ANKRD29: variants seen among roughly 807,000 people sequenced by gnomAD.
The protein encoded by ANKRD29 is ankyrin repeat domain 29, also known as ankyrin repeat domain-containing protein 29.
Under a neutral mutation model 38.0 loss-of-function variants are expected in ANKRD29, and 32 were observed. The observed-to-expected ratio is 0.84, with a 90% CI of 0.64 to 1.13. The LOEUF (loss-of-function observed/expected upper bound fraction) is 1.13. Among genes scored for constraint, ANKRD29 ranks in the 50% most tolerant of loss-of-function variants. The pLI, the probability that ANKRD29 is intolerant of heterozygous loss-of-function variation, is 0.00. For missense variants in ANKRD29, 357 were observed against 377.9 expected (o/e 0.94, Z 0.46); for synonymous variants, 135 against 152.4 (o/e 0.89, Z 0.84).
intron 6 of ANKRD29, among the ~76,000 whole-genome samples, chr18:23,624,182 A>G (rs1490266739): frequency 6.6e-6 from 1 of 151,784 alleles, no homozygotes; most frequent in African/African-American, 2.4e-5. Context: ...TAAAAAGGTA[A>G]TGGCCAGGCA....
chr18:23,634,276 CTG>C, intron 4 of ANKRD29, 127 bp from the exon 5 acceptor site: 26 of 447,508 alleles, frequency 5.8e-5, no homozygotes, highest in Admixed American at 2.1e-4. Context: ...CTCACTTTCC[CTG>C]TTTTTTTTTT....
At chr18:23,653,919 G>T (rs2060243408) in intron 1 of ANKRD29, among the ~76,000 whole-genome samples, 1 of 151,924 alleles carries the variant, frequency 6.6e-6, no homozygotes, top group Admixed American at 6.6e-5. Flanking sequence ...GAATGAGTTA[G>T]TCAAGGTCAC....
At position 23,611,560 on chromosome 18, in the gene ANKRD29, C is replaced by T. The variant is rs147641891; in HGVS notation, c.822+532G>A. Among the ~76,000 whole-genome samples, 15 of 152,184 alleles carry T rather than the reference C, an allele frequency of 9.9e-5. No individual in the cohort carries two copies. The East Asian group carries it at 2.7e-3, about 27-fold the overall frequency. ...ATTAGCCGGGCATGGTGGTCTGCGC[C>T]GGTAATCCCAGCTACTCAGGAGGCT... On this transcript the variant is annotated intron_variant, in intron 9 of 9. Transcript: ENST00000592179.
intron 6 of ANKRD29, among the ~76,000 whole-genome samples, chr18:23,625,139 C>T (rs553694463): frequency 1.3e-5 from 2 of 152,170 alleles, no homozygotes; most frequent in Non-Finnish European, 2.9e-5. Flanking sequence ...AGGAATCCTG[C>T]CCGTGGCAGA....
chr18:23,600,656 T>G lies in ANKRD29; in HGVS notation c.*570A>C, dbSNP rs1368529252. 9 of 152,684 alleles carry G rather than the reference T, an allele frequency of 5.9e-5. No individual in the cohort carries two copies. In the East Asian group the frequency reaches 1.7e-3, roughly 29 times the overall value. The allele number at this position is 152,684 out of a possible 1,614,324, so 9.5% of individuals were successfully genotyped here. A position where few individuals can be genotyped will look rare whatever the true frequency, so the allele number is the denominator to read the frequency against. Reference sequence around the variant, plus strand: ...ATAGCACATAATGGAATGTCAGAAGTGGTTTTTTAATAATGTATGTTTACA... The same window carrying G: ...ATAGCACATAATGGAATGTCAGAAGGGGTTTTTTAATAATGTATGTTTACA... On this transcript the variant is annotated 3_prime_UTR_variant, in exon 10 of 10. Transcript: ENST00000592179.
intron 9 of ANKRD29, among the ~76,000 whole-genome samples, chr18:23,604,572 C>T: frequency 6.6e-6 from 1 of 151,996 alleles, no homozygotes; most frequent in East Asian, 1.9e-4. Flanking sequence ...CAATCTGTTG[C>T]CATGCTGGAC....
At chr18:23,649,652 A>G (rs756445798) in intron 1 of ANKRD29, 13 of 442,308 alleles carry the variant, frequency 2.9e-5, no homozygotes, top group Non-Finnish European at 5.9e-5. Context: ...CCCGTTTCCT[A>G]AGCCCTCAAT....
intron 4 of ANKRD29, among the ~76,000 whole-genome samples, chr18:23,637,937 A>ATCT (rs2060022954): frequency 1.3e-5 from 2 of 151,752 alleles, no homozygotes; most frequent in Admixed American, 6.6e-5. Flanking sequence ...CATGAAATTA[A>ATCT]TCTTTCTACA....
chr18:23,653,168 C>T (rs749695452), intron 1 of ANKRD29, among the ~76,000 whole-genome samples: 60 of 152,260 alleles, frequency 3.9e-4, no homozygotes, highest in African/African-American at 1.4e-3. Context: ...ATGATGTTTG[C>T]GCAATGAAAG....
intron 4 of ANKRD29, among the ~76,000 whole-genome samples, chr18:23,635,989 C>G (rs1370244848): frequency 6.6e-6 from 1 of 152,150 alleles, no homozygotes; most frequent in Non-Finnish European, 1.5e-5. Context: ...GGAGGCATCA[C>G]AGAATTGCGT....
Position 23,649,075 on chromosome 18 carries a change from C to G in ANKRD29, c.132+8G>C. 6.2e-7 allele frequency: 1 copy of G among 1,611,816 alleles called. No individual in the cohort carries two copies. Among genetic ancestry groups the G allele is most frequent in the Non-Finnish European group, 8.5e-7 (1 of 1,178,922 alleles). ...CATGCTGGGCATGCATCTACCGAAC[C>G]ACCGTACGCTGTCTCTGCAGTCCAC... On this transcript the variant is annotated splice_region_variant and intron_variant, in intron 2 of 9. Coordinates refer to ENST00000592179, the MANE Select transcript of ANKRD29 (RefSeq NM_173505.4).
chr18:23,661,114 G>A (rs548046988), intron 1 of ANKRD29, among the ~76,000 whole-genome samples: 21 of 152,282 alleles, frequency 1.4e-4, no homozygotes, highest in East Asian at 5.8e-4. Context: ...TTTCTCATTC[G>A]TCTCTGGCTG....
intron 7 of ANKRD29, 105 bp from the exon 8 acceptor site, chr18:23,617,932 G>T: frequency 1.2e-6 from 1 of 825,214 alleles, no homozygotes; most frequent in Non-Finnish European, 2.0e-6. Flanking sequence ...AACTAATGAC[G>T]TGTAAATTAA....
At chr18:23,626,729 T>C (rs780867030) in intron 6 of ANKRD29, among the ~76,000 whole-genome samples, 1 of 152,226 alleles carries the variant, frequency 6.6e-6, no homozygotes, top group African/African-American at 2.4e-5. Flanking sequence ...TAGTTCTCAG[T>C]GATAGAGTTA....
chr18:23,662,572 T>A, intron 1 of ANKRD29, 138 bp downstream of exon 1: 1 of 846,098 alleles, frequency 1.2e-6, no homozygotes, highest in Non-Finnish European at 1.6e-6. Flanking sequence ...CGCCCGCAGC[T>A]GGAGGAGAGA....
chr18:23,655,949 C>T (rs1366631791), intron 1 of ANKRD29, among the ~76,000 whole-genome samples: 2 of 149,826 alleles, frequency 1.3e-5, no homozygotes, highest in Admixed American at 6.6e-5. Flanking sequence ...AAAAATTAGC[C>T]GGGCGTAGTG....
chr18:23,637,062 T>G (rs2060011936), intron 4 of ANKRD29, among the ~76,000 whole-genome samples: 1 of 152,186 alleles, frequency 6.6e-6, no homozygotes, highest in African/African-American at 2.4e-5. Flanking sequence ...GAGTTCCATG[T>G]TCCATGGATT....
At chr18:23,646,391 C>T (rs898399575) in intron 2 of ANKRD29, 104 bp from the exon 3 acceptor site, 11 of 926,860 alleles carry the variant, frequency 1.2e-5, no homozygotes, top group Non-Finnish European at 1.8e-5. Flanking sequence ...AGAACACATC[C>T]AAGGGCAAAA....
chr18:23,645,507 G>A (rs951366618), intron 3 of ANKRD29, among the ~76,000 whole-genome samples: 2 of 152,150 alleles, frequency 1.3e-5, no homozygotes, highest in Non-Finnish European at 2.9e-5. Flanking sequence ...CCTGGGAGGT[G>A]GAGGTTGCAT....
Sources: allele counts gnomAD v4.1 joint callset (sites outside exome capture counted in the v4.1 genomes callset), GRCh38; gene constraint gnomAD v4.1.1; transcripts MANE v1.5; gene names NCBI Gene and HGNC (gene_info 2026-07-23, HGNC 2026-07-21).